The following ELN variants were observed in gnomAD, a reference collection of about 807,000 sequenced individuals.
The protein encoded by ELN is tropoelastin.
In ELN, 65 loss-of-function variants were observed where a neutral mutation model predicts 105.8. The ratio of observed to expected loss-of-function variants is 0.61; its 90% confidence interval spans 0.50 to 0.75. The LOEUF (loss-of-function observed/expected upper bound fraction) is 0.75. Ranked by LOEUF, ELN falls within the 30% of genes least tolerant of loss-of-function variation. The pLI, the probability that ELN is intolerant of heterozygous loss-of-function variation, is 0.00. For missense variants in ELN, 882 were observed against 969.4 expected, an observed-to-expected ratio of 0.91 and a Z score of 1.20; for synonymous variants, 368 against 389.2, an observed-to-expected ratio of 0.95 and a Z score of 0.64.
In ELN at chr7:74,043,860, T is replaced by G. The variant is rs782178875; in HGVS notation, c.428-19T>G. The G allele has an allele frequency of 1.9e-6, 3 of 1,613,960 alleles. No homozygotes were observed. In the South Asian group the frequency reaches 3.3e-5, roughly 18 times the overall value. On this transcript the variant is annotated intron_variant, in intron 8 of 32. Coordinates refer to ENST00000252034, the MANE Select transcript of ELN (RefSeq NM_000501.4). ...GAGGCTGAGCTGCTGCTAGTAACTTTGCTTTCTTTTGGCCACAGGTGTGGG... is the reference window on the plus strand; with the variant it reads ...GAGGCTGAGCTGCTGCTAGTAACTTGGCTTTCTTTTGGCCACAGGTGTGGG...
At chr7:74,059,722 C>T in intron 22 of ELN, 164 bp from the exon 23 acceptor site, 1 of 745,038 alleles carries the variant, frequency 1.3e-6, no homozygotes, top group East Asian at 2.4e-5. Context: ...CCTGCACACA[C>T]TTCATATTAG....
rs782686799 is a variant in ELN at position 74,068,714 on chromosome 7, C to T, written c.*14C>T. On this transcript the variant is annotated 3_prime_UTR_variant, in exon 33 of 33. Coordinates refer to ENST00000252034, the MANE Select transcript of ELN (RefSeq NM_000501.4). ...AAGAGAAAATGAGCTTCCTAGGACC[C>T]CTGACTCACGACCTCATCAACGTTG... is the stretch of plus-strand genomic sequence containing the variant. 1 of 1,613,980 alleles carries T rather than the reference C, an allele frequency of 6.2e-7. No individual in the cohort carries two copies. Among genetic ancestry groups the T allele is most frequent in the Non-Finnish European group, 8.5e-7 (1 of 1,179,956 alleles).
chr7:74,063,392 A>G lies in ELN; in HGVS notation c.1918+23A>G. Reference sequence around the variant, plus strand: ...TTGGTGAGCACTGGGTGGAGGTGGGAGCTGCCGCCAGGCCCCCAGGCCCCC... The same window carrying G: ...TTGGTGAGCACTGGGTGGAGGTGGGGGCTGCCGCCAGGCCCCCAGGCCCCC... On this transcript the variant is annotated intron_variant, in intron 28 of 32. Coordinates refer to ENST00000252034, the MANE Select transcript of ELN (RefSeq NM_000501.4). The surrounding 1 kb of genome is among the most constrained non-coding windows in gnomAD (Gnocchi z 4.1). 1 of 1,543,708 alleles carries G rather than the reference A, an allele frequency of 6.5e-7. No homozygotes were observed.
intron 1 of ELN, among the ~76,000 whole-genome samples, chr7:74,034,366 C>G (rs1269666921): frequency 4.6e-5 from 7 of 152,142 alleles, no homozygotes; most frequent in Non-Finnish European, 8.8e-5. Context: ...GTCTTCCACC[C>G]CAGGCCCTCT....
intron 2 of ELN, 90 bp downstream of exon 2, chr7:74,035,504 G>A (rs1461167265): frequency 6.7e-7 from 1 of 1,500,868 alleles, no homozygotes; most frequent in African/African-American, 1.4e-5. Context: ...CAGAAGGTAG[G>A]AACATTGACA....
intron 1 of ELN, among the ~76,000 whole-genome samples, chr7:74,031,323 GA>G (rs1417819439): frequency 9.2e-5 from 14 of 152,156 alleles, no homozygotes; most frequent in East Asian, 3.9e-4. Context: ...TATCTGGGGG[GA>G]AAAAAAGCAT....
In ELN at chr7:74,069,144, C is replaced by T. The variant is rs189306738; in HGVS notation, c.*444C>T. The T allele has an allele frequency of 1.7e-5, 5 of 287,616 alleles. No homozygotes were observed. The highest frequency in any genetic ancestry group is 1.0e-4 in the East Asian group (2 of 19,366). 17.8% of individuals were successfully genotyped at this position (287,616 alleles called of 1,614,324 possible). A position where few individuals can be genotyped will look rare whatever the true frequency, so the allele number is the denominator to read the frequency against. On this transcript the variant is annotated 3_prime_UTR_variant, in exon 33 of 33. Coordinates refer to ENST00000252034, the MANE Select transcript of ELN (RefSeq NM_000501.4). ...GCTCCCCCTGCCCACCAGGACCCAC[C>T]GTTGGCTGCCATCCAGTTGGTACCC...
chr7:74,064,472 T>G (rs1245996659), intron 29 of ELN, among the ~76,000 whole-genome samples: 2 of 147,936 alleles, frequency 1.4e-5, no homozygotes, highest in Non-Finnish European at 3.0e-5. Flanking sequence ...ATAAATTAGC[T>G]GGGCATGGTG....
intron 1 of ELN, 150 bp downstream of exon 1, chr7:74,028,419 G>C: frequency 1.1e-6 from 1 of 891,820 alleles, no homozygotes; most frequent in Non-Finnish European, 1.7e-6. Flanking sequence ...CCTCGGAACT[G>C]CCCCTCCCAG....
chr7:74,053,665 T>C (rs1345781376), intron 18 of ELN, among the ~76,000 whole-genome samples: 1 of 151,348 alleles, frequency 6.6e-6, no homozygotes, highest in Admixed American at 6.6e-5. Flanking sequence ...GATGAATGGG[T>C]GGGTGGATGA....
chr7:74,038,867 G>T (rs1428533158), intron 4 of ELN, among the ~76,000 whole-genome samples: 5 of 152,254 alleles, frequency 3.3e-5, no homozygotes, highest in African/African-American at 9.6e-5. Flanking sequence ...GCCAGGAGAG[G>T]CGGGAGAACG....
At chr7:74,046,918 T>G in intron 12 of ELN, 151 bp downstream of exon 12, 1 of 890,204 alleles carries the variant, frequency 1.1e-6, no homozygotes, top group Non-Finnish European at 1.8e-6. Flanking sequence ...ACCCCGTCCC[T>G]ACTAAAGATA....
At chr7:74,042,518 G>A (rs1791462888) in intron 5 of ELN, 96 bp from the exon 6 acceptor site, 3 of 1,051,590 alleles carry the variant, frequency 2.9e-6, no homozygotes, top group East Asian at 2.4e-5. Context: ...AGCCTCCAAT[G>A]TGCTTCCTGA....
rs566270076 is a variant in ELN, at chr7:74,069,335, C to T, written c.*635C>T. On this transcript the variant is annotated 3_prime_UTR_variant, in exon 33 of 33. Coordinates refer to ENST00000252034, the MANE Select transcript of ELN (RefSeq NM_000501.4). ...CCACCTTGCCCTTGTAGAATCCATC[C>T]GCCCATCCGTCCATTCATCCATCGG... 3.0e-5 allele frequency: 7 copies of T among 235,726 alleles called. No individual in the cohort carries two copies. Among genetic ancestry groups the T allele is most frequent in the South Asian group, 3.5e-4 (2 of 5,658 alleles). The allele number at this position is 235,726 out of a possible 1,614,324, so 14.6% of individuals were successfully genotyped here. A position where few individuals can be genotyped will look rare whatever the true frequency, so the allele number is the denominator to read the frequency against.
At position 74,054,717 on chromosome 7, in the gene ELN, G is replaced by C. The variant is rs1794878275; in HGVS notation, c.1098G>C (p.Gly366=). 1.2e-6 allele frequency: 2 copies of C among 1,614,152 alleles called. No homozygotes were observed. The highest frequency in any genetic ancestry group is 1.7e-5 in the Admixed American group (1 of 60,026). The part of the protein sequence containing the change: ...GAGIPGAAVP[G]VVSPEAAAKA... Reference sequence around the variant, plus strand: ...TTGTGTCCCTTTTGGTCTCTCCAGGGGTTGTGTCACCAGAAGCAGCTGCTA... The same window carrying C: ...TTGTGTCCCTTTTGGTCTCTCCAGGCGTTGTGTCACCAGAAGCAGCTGCTA... Residue 366 remains glycine (G), a splice_region_variant and synonymous_variant, in exon 19 of 33, where the codon GGG becomes GGC. Transcript: ENST00000252034.
chr7:74,067,077 G>A (rs1232665521), intron 32 of ELN, among the ~76,000 whole-genome samples: 1 of 152,172 alleles, frequency 6.6e-6, no homozygotes, highest in African/African-American at 2.4e-5. Flanking sequence ...CCTGAGGTCA[G>A]GAGTTCAAGA....
intron 22 of ELN, chr7:74,059,453 G>A (rs561092954): frequency 7.6e-5 from 20 of 262,040 alleles, no homozygotes; most frequent in Admixed American, 5.5e-4. Flanking sequence ...AGGCCAAGTC[G>A]GGTGGATCAC....
At chr7:74,059,360 C>A (rs1554682418) in intron 22 of ELN, among the ~76,000 whole-genome samples, 1 of 152,160 alleles carries the variant, frequency 6.6e-6, no homozygotes, top group Non-Finnish European at 1.5e-5. Flanking sequence ...AGCCTCAAAT[C>A]TCCAAGGGGT....
Position 74,068,964 on chromosome 7 carries a change from C to T in ELN, c.*264C>T, listed in dbSNP as rs1309771565. On this transcript the variant is annotated 3_prime_UTR_variant, in exon 33 of 33. Coordinates refer to ENST00000252034, the MANE Select transcript of ELN (RefSeq NM_000501.4). ...CCCATCCCTTCCCACCTAGGAGCTC[C>T]CCCTCCACACAGCCTCCATCTCCAG... 2 of 545,040 alleles carry T rather than the reference C, an allele frequency of 3.7e-6. No individual in the cohort carries two copies. The highest frequency in any genetic ancestry group is 1.9e-5 in the African/African-American group (1 of 52,872). 33.8% of individuals were successfully genotyped at this position (545,040 alleles called of 1,614,324 possible). A position where few individuals can be genotyped will look rare whatever the true frequency, so the allele number is the denominator to read the frequency against.
Sources: gnomAD v4.1 joint callset for allele counts (sites outside exome capture counted in the v4.1 genomes callset) on GRCh38, gnomAD v4.1.1 for gene constraint, Gnocchi (gnomAD v3.1) non-coding constraint, MANE v1.5 for transcripts, NCBI Gene and HGNC (gene_info 2026-07-23, HGNC 2026-07-21) for gene names.